The following RBFOX1 variants were observed in gnomAD, a reference collection of about 807,000 sequenced individuals.
RBFOX1 encodes RNA binding protein fox-1 homolog 1.
Under a neutral mutation model 57.7 loss-of-function variants are expected in RBFOX1, and 8 were observed. That is an observed-to-expected ratio of 0.14 (90% confidence interval 0.08 to 0.25). The LOEUF is 0.25. Ranked by LOEUF, RBFOX1 falls within the 10% of genes least tolerant of loss-of-function variation. The pLI is 1.00. For missense variants in RBFOX1, 611 were observed against 548.5 expected (o/e 1.11, Z -1.14); for synonymous variants, 326 against 222.4 (o/e 1.47, Z -4.15).
At chr16:7,333,209 T>C in intron 4 of RBFOX1, 1 of 855,130 alleles carries the variant, frequency 1.2e-6, no homozygotes, top group Admixed American at 2.2e-5. Context: ...GCGTAGTCAG[T>C]GAGAAGACAG....
intron 2 of RBFOX1, among the ~76,000 whole-genome samples, chr16:5,520,584 C>G (rs1168483559): frequency 2.6e-5 from 4 of 152,186 alleles, no homozygotes; most frequent in African/African-American, 9.7e-5. Flanking sequence ...GCTAGAGCTA[C>G]AGAAACCATC....
rs139568094 is a variant in RBFOX1 at position 6,824,931 on chromosome 16, A to G, written c.-16+170281A>G. ...CTTCCCTAGAGGCAACCATTGGTAC[A>G]TGATTAAGTGCATCCTTCTACACTG... is the stretch of plus-strand genomic sequence containing the variant. On this transcript the variant is annotated intron_variant, in intron 3 of 15. Transcript: ENST00000550418. Among the ~76,000 whole-genome samples, 193 of 145,842 alleles carry G rather than the reference A, an allele frequency of 1.3e-3. 1 individual carries two copies. The highest frequency in any genetic ancestry group is 2.4e-3 in the Non-Finnish European group (160 of 66,800).
At chr16:7,228,622 G>A (rs1190927603) in intron 4 of RBFOX1, among the ~76,000 whole-genome samples, 1 of 152,196 alleles carries the variant, frequency 6.6e-6, no homozygotes, top group Admixed American at 6.5e-5. Context: ...CAAATCTTGG[G>A]CTAGAAGGAT....
At chr16:7,210,371 C>A (rs895999632) in intron 4 of RBFOX1, among the ~76,000 whole-genome samples, 65 of 152,276 alleles carry the variant, frequency 4.3e-4, no homozygotes, top group African/African-American at 1.3e-3. Context: ...TCAAGGATCA[C>A]ATGGACCACG....
chr16:7,396,857 C>G lies in RBFOX1; in HGVS notation c.28-121290C>G, dbSNP rs574801739. Among the ~76,000 whole-genome samples, 28 of 152,308 alleles carry G rather than the reference C, an allele frequency of 1.8e-4. 1 individual carries two copies. Among genetic ancestry groups the G allele is most frequent in the African/African-American group, 5.8e-4 (24 of 41,568 alleles). On this transcript the variant is annotated intron_variant, in intron 4 of 15. Transcript: ENST00000550418. ...TCTGGAGGCTGAGGCATGGGAATCA[C>G]TTAAACCCAGGAGACAGAGGTTGCA...
chr16:7,708,711 C>A (rs1446900941), intron 14 of RBFOX1, among the ~76,000 whole-genome samples: 1 of 152,156 alleles, frequency 6.6e-6, no homozygotes, highest in South Asian at 2.1e-4. Context: ...GGGTGCTGGG[C>A]TTAATACTTG....
At chr16:6,890,778 C>G (rs2065229940) in intron 3 of RBFOX1, among the ~76,000 whole-genome samples, 1 of 152,244 alleles carries the variant, frequency 6.6e-6, no homozygotes, top group Admixed American at 6.5e-5. Flanking sequence ...GCTTTTTTAA[C>G]CTACGTACCC....
At chr16:6,210,358 C>CAAAAAAAAAAAAAAAAAAAAAAA (rs1567684381) in intron 1 of RBFOX1, among the ~76,000 whole-genome samples, 2 of 96,686 alleles carry the variant, frequency 2.1e-5, no homozygotes, top group Non-Finnish European at 4.0e-5. Context: ...AAAAAAAAAA[C>CAAAAAAAAAAAAAAAAAAAAAAA]ACCAAAAAAA....
At chr16:5,975,255 C>G (rs2060038598) in intron 4 of RBFOX1, among the ~76,000 whole-genome samples, 1 of 152,186 alleles carries the variant, frequency 6.6e-6, no homozygotes, top group Non-Finnish European at 1.5e-5. Flanking sequence ...AACTGCATCG[C>G]TATCCTGCAC....
chr16:7,646,998 T>C (rs1021986042), intron 11 of RBFOX1, among the ~76,000 whole-genome samples: 3 of 152,214 alleles, frequency 2.0e-5, no homozygotes, highest in African/African-American at 7.2e-5. Flanking sequence ...CTTTAGTAAA[T>C]GGCCCATTTG....
chr16:5,812,139 G>A (rs1483980891), intron 3 of RBFOX1, among the ~76,000 whole-genome samples: 1 of 152,136 alleles, frequency 6.6e-6, no homozygotes, highest in East Asian at 1.9e-4. Context: ...TTTGTTGTGC[G>A]GTCATGTTCC....
At chr16:5,653,109 T>G (rs1214796932) in intron 3 of RBFOX1, among the ~76,000 whole-genome samples, 1 of 151,776 alleles carries the variant, frequency 6.6e-6, no homozygotes, top group African/African-American at 2.4e-5. Context: ...TGGGCCTTTG[T>G]GTGGAAGGTG....
In RBFOX1 at chr16:6,518,719, GTCCA is replaced by G. The variant is rs968309542; in HGVS notation, c.-63-135869_-63-135866del. ...TATGTATCTGTCCATCCGTCCGTCCGTCCATCCATCCATCCATCTATCTCTGTCT... is the reference window on the plus strand; with the variant it reads ...TATGTATCTGTCCATCCGTCCGTCCGTCCATCCATCCATCTATCTCTGTCT... On this transcript the variant is annotated intron_variant, in intron 2 of 15. Transcript: ENST00000550418. 4.0e-5 allele frequency among the ~76,000 whole-genome samples: 6 copies of G among 151,896 alleles called. No homozygotes were observed. The East Asian group carries it at 7.8e-4, about 20-fold the overall frequency.
At chr16:5,322,225 A>G (rs924842831) in intron 1 of RBFOX1, among the ~76,000 whole-genome samples, 15 of 152,176 alleles carry the variant, frequency 9.9e-5, no homozygotes, top group Non-Finnish European at 5.9e-5. Flanking sequence ...CGTAATAAAC[A>G]CAAAACTAGA....
chr16:5,517,700 C>T (rs940066725), intron 2 of RBFOX1, among the ~76,000 whole-genome samples: 10 of 152,174 alleles, frequency 6.6e-5, no homozygotes, highest in Non-Finnish European at 1.0e-4. Context: ...CCATCCAGAT[C>T]AGAAGTAGAC....
intron 1 of RBFOX1, among the ~76,000 whole-genome samples, chr16:6,175,310 T>C (rs2096996185): frequency 6.6e-6 from 1 of 152,180 alleles, no homozygotes; most frequent in Non-Finnish European, 1.5e-5. Flanking sequence ...ACAAAAGATG[T>C]TAATAGGAGT....
intron 3 of RBFOX1, among the ~76,000 whole-genome samples, chr16:7,016,366 T>C (rs2093912843): frequency 6.6e-6 from 1 of 151,940 alleles, no homozygotes; most frequent in African/African-American, 2.4e-5. Flanking sequence ...TAGAGTTGAG[T>C]TTTAGAAGAA....
intron 3 of RBFOX1, among the ~76,000 whole-genome samples, chr16:5,786,858 G>A (rs563934811): frequency 4.1e-4 from 63 of 152,268 alleles, no homozygotes; most frequent in African/African-American, 1.5e-3. Context: ...GAATGAAGCC[G>A]GGCATGGCAG....
chr16:6,404,907 C>G (rs1410272290), intron 2 of RBFOX1, among the ~76,000 whole-genome samples: 2 of 152,188 alleles, frequency 1.3e-5, no homozygotes, highest in Non-Finnish European at 2.9e-5. Flanking sequence ...GCCTGGCTAT[C>G]CTAGCTTGAA....
Sources: gnomAD v4.1 joint callset for allele counts (sites outside exome capture counted in the v4.1 genomes callset) on GRCh38, gnomAD v4.1.1 for gene constraint, MANE v1.5 for transcripts, NCBI Gene and HGNC (gene_info 2026-07-23, HGNC 2026-07-21) for gene names.